The following ATRNL1 variants were observed in gnomAD, a reference collection of about 807,000 sequenced individuals.
ATRNL1 encodes the protein attractin like 1, also known as attractin-like protein 1.
ATRNL1 carries 95 observed loss-of-function variants against 182.7 expected under a neutral mutation model. That is an observed-to-expected ratio of 0.52 (90% CI 0.44 to 0.62). The LOEUF (loss-of-function observed/expected upper bound fraction) is 0.62, where lower values mean the gene tolerates loss of function less well. Among genes scored for constraint, ATRNL1 ranks in the 20% least tolerant of loss-of-function variants. ATRNL1 has a pLI of 0.00. For synonymous variants in ATRNL1, 576 were observed against 568.3 expected, an observed-to-expected ratio of 1.01 and a Z score of -0.19; for missense variants, 1,471 against 1,679.5, an observed-to-expected ratio of 0.88 and a Z score of 2.17.
chr10:115,885,548 A>G (rs891076045), intron 28 of ATRNL1, among the ~76,000 whole-genome samples: 5 of 152,256 alleles, frequency 3.3e-5, no homozygotes, highest in African/African-American at 1.2e-4. Context: ...TCTGATCACA[A>G]TGCTAACATA....
intron 27 of ATRNL1, among the ~76,000 whole-genome samples, chr10:115,729,826 G>A (rs529117004): frequency 7.2e-5 from 11 of 151,908 alleles, no homozygotes; most frequent in African/African-American, 2.4e-4. Context: ...CGTTATGGAT[G>A]TACTTCTTTC....
At chr10:115,580,250 C>T (rs1442905770) in intron 26 of ATRNL1, among the ~76,000 whole-genome samples, 1 of 152,066 alleles carries the variant, frequency 6.6e-6, no homozygotes, top group Non-Finnish European at 1.5e-5. Flanking sequence ...GCTGTTTCAA[C>T]TTCAGTGACT....
At chr10:115,860,008 T>G (rs1259574876) in intron 28 of ATRNL1, among the ~76,000 whole-genome samples, 1 of 152,176 alleles carries the variant, frequency 6.6e-6, no homozygotes, top group East Asian at 1.9e-4. Flanking sequence ...CCATGCAAGT[T>G]GAGCAGGCTT....
intron 28 of ATRNL1, among the ~76,000 whole-genome samples, chr10:115,898,558 G>A (rs781906839): frequency 6.6e-6 from 1 of 152,172 alleles, no homozygotes; most frequent in Non-Finnish European, 1.5e-5. Flanking sequence ...TTAATGTGGG[G>A]CCAAGCATGT....
chr10:115,307,327 A>G (rs372734027), intron 17 of ATRNL1, among the ~76,000 whole-genome samples: 3 of 152,108 alleles, frequency 2.0e-5, no homozygotes, highest in South Asian at 4.1e-4. Context: ...CAGTGGCACA[A>G]TCTTGGCCCA....
At position 115,633,459 on chromosome 10, in the gene ATRNL1, A is replaced by T. The variant is rs11197360; in HGVS notation, c.3795+83923A>T. ...TACACTATAAGGAAACAAGTTTATT[A>T]TTTTCTTCTATAAGAATTTATAGTT... On this transcript the variant is annotated intron_variant, in intron 26 of 28. Coordinates refer to ENST00000355044, the MANE Select transcript of ATRNL1 (RefSeq NM_207303.4). 9.0e-3 allele frequency among the ~76,000 whole-genome samples: 1,371 copies of T among 152,208 alleles called. 14 individuals carry two copies. The highest frequency in any genetic ancestry group is 0.014 in the Non-Finnish European group (980 of 67,996).
At chr10:115,280,449 G>A (rs1852309908) in intron 13 of ATRNL1, among the ~76,000 whole-genome samples, 1 of 152,184 alleles carries the variant, frequency 6.6e-6, no homozygotes, top group African/African-American at 2.4e-5. Flanking sequence ...AAGAAGTCTT[G>A]ATCTGTCTTC....
intron 27 of ATRNL1, 80 bp downstream of exon 27, chr10:115,727,435 G>A: frequency 9.3e-7 from 1 of 1,071,340 alleles, no homozygotes; most frequent in Non-Finnish European, 1.4e-6. Flanking sequence ...ATCTGCTTAT[G>A]AAGCCAAACA....
intron 8 of ATRNL1, among the ~76,000 whole-genome samples, chr10:115,205,355 T>C (rs1383223411): frequency 2.6e-5 from 4 of 152,016 alleles, no homozygotes; most frequent in African/African-American, 9.7e-5. Flanking sequence ...AATGTAATTA[T>C]CAATATGCTT....
chr10:115,879,310 A>AAAAAAAAAAAG (rs1392207536), intron 28 of ATRNL1, among the ~76,000 whole-genome samples: 1 of 151,132 alleles, frequency 6.6e-6, no homozygotes, highest in Admixed American at 6.6e-5. Context: ...TATCTCAAAA[A>AAAAAAAAAAAG]AAAAAGAAAG....
rs145019441 is a variant in ATRNL1 at position 115,674,937 on chromosome 10, A to G, written c.3796-52311A>G. Among the ~76,000 whole-genome samples the G allele has an allele frequency of 9.8e-3, 1,494 of 152,254 alleles. 32 individuals are homozygous for G. The highest frequency in any genetic ancestry group is 0.034 in the African/African-American group (1,413 of 41,566). On this transcript the variant is annotated intron_variant, in intron 26 of 28. Transcript: ENST00000355044. Reference sequence around the variant, plus strand: ...TCTTTATGAAATATGTCATGACTGTATCACCAAATATGATACATTTCTCTC... The same window carrying G: ...TCTTTATGAAATATGTCATGACTGTGTCACCAAATATGATACATTTCTCTC...
intron 27 of ATRNL1, among the ~76,000 whole-genome samples, chr10:115,748,182 G>C (rs1948347229): frequency 6.6e-6 from 1 of 151,822 alleles, no homozygotes; most frequent in African/African-American, 2.4e-5. Context: ...TTGCTTTTCT[G>C]ATATTATTTA....
chr10:115,609,992 T>A (rs1214507043), intron 26 of ATRNL1, among the ~76,000 whole-genome samples: 1 of 152,158 alleles, frequency 6.6e-6, no homozygotes, highest in Non-Finnish European at 1.5e-5. Flanking sequence ...TAGAAATGGA[T>A]AACTGACAAT....
At chr10:115,904,221 A>G (rs912960998) in intron 28 of ATRNL1, among the ~76,000 whole-genome samples, 2 of 152,218 alleles carry the variant, frequency 1.3e-5, no homozygotes, top group Admixed American at 1.3e-4. Context: ...CACCAGGCTC[A>G]GCATTGGTTG....
chr10:115,167,657 A>T (rs1485622202), intron 7 of ATRNL1, among the ~76,000 whole-genome samples: 1 of 152,116 alleles, frequency 6.6e-6, no homozygotes, highest in South Asian at 2.1e-4. Flanking sequence ...TGGGAGCAGT[A>T]TAAAGAACAA....
At chr10:115,375,013 ATGT>A (rs1857595972) in intron 19 of ATRNL1, among the ~76,000 whole-genome samples, 2 of 151,352 alleles carry the variant, frequency 1.3e-5, no homozygotes, top group South Asian at 2.1e-4. Flanking sequence ...GTCAAATCCA[ATGT>A]TGTTTTTTTT....
Position 115,797,018 on chromosome 10 carries a change from A to G in ATRNL1, c.3904-50859A>G, listed in dbSNP as rs189190901. ...ACCTTATAGCTCCTCCAAGAAATGT[A>G]ATAAACAAAAAGATAATTAAATGAT... is the stretch of plus-strand genomic sequence containing the variant. On this transcript the variant is annotated intron_variant, in intron 27 of 28. Transcript: ENST00000355044. 2.3e-3 allele frequency among the ~76,000 whole-genome samples: 353 copies of G among 152,326 alleles called. 1 individual carries two copies. The highest frequency in any genetic ancestry group is 8.2e-3 in the African/African-American group (342 of 41,574).
intron 21 of ATRNL1, among the ~76,000 whole-genome samples, chr10:115,451,885 A>T (rs781970059): frequency 6.6e-6 from 1 of 152,208 alleles, no homozygotes. Context: ...GACAGATCAG[A>T]TAAAGAAAAT....
intron 19 of ATRNL1, among the ~76,000 whole-genome samples, chr10:115,377,745 T>G (rs1554949943): frequency 6.6e-6 from 1 of 152,188 alleles, no homozygotes; most frequent in African/African-American, 2.4e-5. Context: ...GCTGATGGAA[T>G]TGCCTCTGAA....
Sources: gnomAD v4.1 joint callset for allele counts (sites outside exome capture counted in the v4.1 genomes callset) on GRCh38, gnomAD v4.1.1 for gene constraint, MANE v1.5 for transcripts, NCBI Gene and HGNC (gene_info 2026-07-23, HGNC 2026-07-21) for gene names.